PLCE1: variants seen among roughly 807,000 people sequenced by gnomAD.
The protein encoded by PLCE1 is phospholipase C epsilon 1.
PLCE1 carries 119 observed loss-of-function variants against 242.8 expected under a neutral mutation model. That is an observed-to-expected ratio of 0.49 (90% CI 0.42 to 0.57). The LOEUF (loss-of-function observed/expected upper bound fraction) is 0.57. PLCE1 is among the 20% of genes least tolerant of loss of function. The probability of loss-of-function intolerance (pLI) is 0.00; values close to 1 mark genes in which losing one functional copy is unlikely to be tolerated. For missense variants in PLCE1, 2,441 were observed against 2,788.8 expected, an observed-to-expected ratio of 0.88 and a Z score of 2.81; for synonymous variants, 945 against 1,017.4, an observed-to-expected ratio of 0.93 and a Z score of 1.35.
At chr10:94,302,936 A>T (rs187714944) in intron 24 of PLCE1, among the ~76,000 whole-genome samples, 200 of 152,208 alleles carry the variant, frequency 1.3e-3, no homozygotes, top group Non-Finnish European at 2.2e-3. Context: ...TACCCTCACC[A>T]TGTCTGTGTT....
chr10:94,060,716 A>G lies in PLCE1; in HGVS notation c.1206+28464A>G, dbSNP rs1250982748. 2.0e-5 allele frequency among the ~76,000 whole-genome samples: 3 copies of G among 146,958 alleles called. No homozygotes were observed. The East Asian group carries it at 5.9e-4, about 29-fold the overall frequency. On this transcript the variant is annotated intron_variant, in intron 2 of 32. Coordinates refer to ENST00000371380, the MANE Select transcript of PLCE1 (RefSeq NM_016341.4). ...TTAACTTTTTTTTTTTTTTTTTGAG[A>G]CAGTCTCACTCTGTCACTCAGGCTA...
intron 3 of PLCE1, 41 bp from the exon 4 acceptor site, chr10:94,171,139 C>T (rs1349062084): frequency 6.6e-7 from 1 of 1,520,716 alleles, no homozygotes; most frequent in Admixed American, 1.7e-5. Flanking sequence ...GCAGGGGACA[C>T]CAGATTTGAT....
intron 2 of PLCE1, chr10:94,099,962 G>A (rs1052184513): frequency 1.3e-5 from 2 of 152,172 alleles, no homozygotes; most frequent in Admixed American, 6.5e-5. Flanking sequence ...GAACACACAT[G>A]TGCACCCCTG....
At position 94,159,708 on chromosome 10, in the gene PLCE1, G is replaced by A. The variant is rs147033473; in HGVS notation, c.1493-11472G>A. Among the ~76,000 whole-genome samples, 312 of 152,214 alleles carry A rather than the reference G, an allele frequency of 2.0e-3. 3 individuals are homozygous for A. The highest frequency in any genetic ancestry group is 6.5e-3 in the African/African-American group (269 of 41,552). On this transcript the variant is annotated intron_variant, in intron 3 of 32. Coordinates refer to ENST00000371380, the MANE Select transcript of PLCE1 (RefSeq NM_016341.4). ...ATGTATATATGTGCCATGTTGGTGT[G>A]CTGCACCCATTATCTCGTCATTTAA...
In PLCE1 at chr10:94,236,059, G is replaced by C; in HGVS notation, c.2359G>C (p.Asp787His). 1 of 1,614,060 alleles carries C rather than the reference G, an allele frequency of 6.2e-7. No individual in the cohort carries two copies. The highest frequency in any genetic ancestry group is 8.5e-7 in the Non-Finnish European group (1 of 1,179,988). ...CNRSLETDEEDSPSEGNSSRK... is the reference protein window; with the variant it reads ...CNRSLETDEEHSPSEGNSSRK... ...TCGAAGTCTGGAGACAGACGAGGAGGACAGCCCCAGTGAAGGAAACAGCTC... is the reference window on the plus strand; with the variant it reads ...TCGAAGTCTGGAGACAGACGAGGAGCACAGCCCCAGTGAAGGAAACAGCTC... The change falls in exon 7 of 33, where the codon GAC becomes CAC. Residue 787 changes from aspartate to histidine, a missense_variant. Transcript: ENST00000371380.
At chr10:94,196,418 C>T (rs1045117849) in intron 4 of PLCE1, among the ~76,000 whole-genome samples, 1 of 152,062 alleles carries the variant, frequency 6.6e-6, no homozygotes, top group Non-Finnish European at 1.5e-5. Context: ...AGCTGTAGCC[C>T]CAGGAGAAGC....
At chr10:93,994,292 G>A (rs1298165950) in intron 1 of PLCE1, among the ~76,000 whole-genome samples, 34 bp downstream of exon 1, 1 of 152,230 alleles carries the variant, frequency 6.6e-6, no homozygotes, top group Non-Finnish European at 1.5e-5. Flanking sequence ...GGTTCCTGAG[G>A]ACTGGAGAAA....
intron 3 of PLCE1, among the ~76,000 whole-genome samples, chr10:94,141,627 AAGGAGGAAAGAAAG>A (rs1333614207): frequency 2.7e-3 from 1 of 374 alleles, no homozygotes; most frequent in African/African-American, 5.5e-3. Context: ...AGGAAGGCAG[AAGGAGGAAAGAAAG>A]AAGGAAGGAA....
chr10:94,089,472 C>A, intron 2 of PLCE1: 1 of 861,904 alleles, frequency 1.2e-6, no homozygotes, highest in Non-Finnish European at 1.7e-6. Context: ...CAGTGTTAGC[C>A]AAAATACAAT....
At chr10:94,099,103 C>G (rs1262306761) in intron 2 of PLCE1, among the ~76,000 whole-genome samples, 1 of 152,216 alleles carries the variant, frequency 6.6e-6, no homozygotes, top group Non-Finnish European at 1.5e-5. Flanking sequence ...GTTGGGAAGT[C>G]AAGTAAAGCT....
At position 94,265,063 on chromosome 10, in the gene PLCE1, A is replaced by AT. The variant is rs1238239815; in HGVS notation, c.4054-584_4054-583insT. On this transcript the variant is annotated intron_variant, in intron 14 of 32. Transcript: ENST00000371380. Reference sequence around the variant, plus strand: ...TTAGGAAGCTATCATAGTAACCAGCAATAGCTGGTGAAGGTTTACACTACA... The same window carrying AT: ...TTAGGAAGCTATCATAGTAACCAGCATATAGCTGGTGAAGGTTTACACTACA... Among the ~76,000 whole-genome samples the AT allele has an allele frequency of 2.0e-5, 3 of 152,244 alleles. No individual in the cohort carries two copies. The East Asian group carries it at 5.8e-4, about 29-fold the overall frequency.
chr10:94,275,045 C>G (rs1564851867), intron 19 of PLCE1, among the ~76,000 whole-genome samples: 2 of 152,162 alleles, frequency 1.3e-5, no homozygotes, highest in African/African-American at 2.4e-5. Context: ...ACCACACATA[C>G]CACTGTGGTC....
At chr10:94,259,294 T>C in intron 13 of PLCE1, 144 bp downstream of exon 13, 1 of 872,226 alleles carries the variant, frequency 1.1e-6, no homozygotes, top group Non-Finnish European at 1.9e-6. Context: ...AATTTTTTTT[T>C]TTTTTTTGAG....
At position 94,254,377 on chromosome 10, in the gene PLCE1, T is replaced by C; in HGVS notation, c.3397+70T>C. 7 of 1,061,582 alleles carry C rather than the reference T, an allele frequency of 6.6e-6. 1 individual carries two copies. Among genetic ancestry groups the C allele is most frequent in the Non-Finnish European group, 1.0e-5 (7 of 678,088 alleles). 65.8% of individuals were successfully genotyped at this position (1,061,582 alleles called of 1,614,324 possible). On this transcript the variant is annotated intron_variant, in intron 10 of 32. Transcript: ENST00000371380. Reference sequence around the variant, plus strand: ...TGTGGGAAAAAAAGTATACATTTGGTTTTAAATTGTGATTTAAGCATTGCA... The same window carrying C: ...TGTGGGAAAAAAAGTATACATTTGGCTTTAAATTGTGATTTAAGCATTGCA...
chr10:94,226,278 A>G (rs930004666), intron 4 of PLCE1, among the ~76,000 whole-genome samples: 12 of 152,228 alleles, frequency 7.9e-5, no homozygotes, highest in Non-Finnish European at 7.3e-5. Flanking sequence ...ACTGAAGAAC[A>G]TTAGAGTTTG....
chr10:94,147,060 T>C (rs2047135469), intron 3 of PLCE1, among the ~76,000 whole-genome samples: 1 of 152,180 alleles, frequency 6.6e-6, no homozygotes, highest in Non-Finnish European at 1.5e-5. Context: ...AGAGAAACGC[T>C]GTGTCTCTCT....
At chr10:94,068,244 AG>A (rs1020022901) in intron 2 of PLCE1, among the ~76,000 whole-genome samples, 6 of 152,196 alleles carry the variant, frequency 3.9e-5, no homozygotes, top group African/African-American at 1.4e-4. Flanking sequence ...GCCCCTCTTT[AG>A]CCTTCTCAGC....
At chr10:94,107,212 T>C (rs1189118284) in intron 2 of PLCE1, 1 of 151,710 alleles carries the variant, frequency 6.6e-6, no homozygotes, top group African/African-American at 2.4e-5. Context: ...CAGCAGTGAG[T>C]GTGATTAAGA....
At position 94,328,245 on chromosome 10, in the gene PLCE1, C is replaced by A; in HGVS notation, c.*302C>A. 4.1e-6 allele frequency: 1 copy of A among 243,924 alleles called. No homozygotes were observed. The highest frequency in any genetic ancestry group is 5.4e-5 in the South Asian group (1 of 18,468). The allele number at this position is 243,924 out of a possible 1,614,324, so 15.1% of individuals were successfully genotyped here. ...GGTCAGCAAGCTTGTCTGTAAAGGG[C>A]CAAACAGTAAATATTTTAGGGCTGG... On this transcript the variant is annotated 3_prime_UTR_variant, in exon 33 of 33. Coordinates refer to ENST00000371380, the MANE Select transcript of PLCE1 (RefSeq NM_016341.4).
Sources: allele counts gnomAD v4.1 joint callset (sites outside exome capture counted in the v4.1 genomes callset), GRCh38; gene constraint gnomAD v4.1.1; transcripts MANE v1.5; gene names NCBI Gene and HGNC (gene_info 2026-07-23, HGNC 2026-07-21).